The following UMODL1 variants were observed in gnomAD, a reference collection of about 807,000 sequenced individuals.
UMODL1 encodes the protein uromodulin-like 1.
In UMODL1, 128 loss-of-function variants were observed where a neutral mutation model predicts 136.3. The ratio of observed to expected loss-of-function variants is 0.94; its 90% CI spans 0.81 to 1.09. The LOEUF is 1.09. Ranked by LOEUF, UMODL1 falls within the 50% of genes least tolerant of loss-of-function variation. The pLI is 0.00. For synonymous variants in UMODL1, 721 were observed against 720.0 expected, an observed-to-expected ratio of 1.00 and a Z score of -0.02; for missense variants, 1,766 against 1,725.6, an observed-to-expected ratio of 1.02 and a Z score of -0.41.
chr21:42,137,507 G>C lies in UMODL1; in HGVS notation c.3844G>C (p.Val1282Leu). 1 of 1,614,234 alleles carries C rather than the reference G, an allele frequency of 6.2e-7. No homozygotes were observed. The highest frequency in any genetic ancestry group is 1.1e-5 in the South Asian group (1 of 91,090). Reference sequence around the variant, plus strand: ...GGTCCTTATTGTGGTGGCCATCTTCGTGCTGGTGGCGGGAACAGCCACCCT... The same window carrying C: ...GGTCCTTATTGTGGTGGCCATCTTCCTGCTGGTGGCGGGAACAGCCACCCT... Reference protein sequence around the residue: ...YVVLIVVAIFVLVAGTATLLI... With the variant: ...YVVLIVVAIFLLVAGTATLLI... The change falls in exon 22 of 23, where the codon GTG becomes CTG. Residue 1282 changes from valine (V) to leucine (L), a missense_variant. Transcript: ENST00000408910.
At chr21:42,125,977 G>A (rs1033339146) in intron 17 of UMODL1, among the ~76,000 whole-genome samples, 2 of 152,200 alleles carry the variant, frequency 1.3e-5, no homozygotes, top group African/African-American at 4.8e-5. Flanking sequence ...GCAGGGTTTG[G>A]GGCATGTTGA....
At position 42,123,479 on chromosome 21, in the gene UMODL1, G is replaced by C. The variant is rs991843360; in HGVS notation, c.3147+329G>C. On this transcript the variant is annotated intron_variant, in intron 17 of 22. Transcript: ENST00000408910. The surrounding 1 kb of genome is among the most constrained non-coding windows in gnomAD (Gnocchi z 4.4). ...AGCCAAGGAGTCCTGTGTGATATGA[G>C]AGTGTGTGTGTGTGAGTGTACGTGT... is the stretch of plus-strand genomic sequence containing the variant. 2.2e-5 allele frequency among the ~76,000 whole-genome samples: 3 copies of C among 137,580 alleles called. No homozygotes were observed. The highest frequency in any genetic ancestry group is 4.0e-3 in the Middle Eastern group (1 of 250). 90.3% of individuals were successfully genotyped at this position (137,580 alleles called of 152,430 possible).
chr21:42,133,313 A>G (rs895213523), intron 21 of UMODL1, among the ~76,000 whole-genome samples: 1 of 152,208 alleles, frequency 6.6e-6, no homozygotes, highest in Admixed American at 6.5e-5. Context: ...CCTCCGTTTC[A>G]GGGAAGAAAT....
intron 14 of UMODL1, 65 bp downstream of exon 14, chr21:42,116,050 C>A: frequency 7.2e-7 from 1 of 1,393,668 alleles, no homozygotes; most frequent in Admixed American, 1.7e-5. Context: ...TGATAGAATT[C>A]TAGGTTAGGC....
chr21:42,074,012 A>AG (rs2066260052), intron 1 of UMODL1, among the ~76,000 whole-genome samples: 1 of 152,186 alleles, frequency 6.6e-6, no homozygotes, highest in Admixed American at 6.5e-5. Context: ...GGGGAGCTGG[A>AG]GGGGACCCTT....
chr21:42,084,097 C>G lies in UMODL1; in HGVS notation c.333C>G (p.Ser111=), dbSNP rs745944361. ...ATTTTCTCCCAGCCCTGAATCAGTC[C>G]GGGCAGTTCACGTCAAGACCTGGGG... ...GLYCVLPLNQ[S]GQFTSRPGAC... is the part of the protein sequence containing the mutation. Residue 111 remains serine (S), a synonymous_variant, in exon 3 of 23, where the codon TCC becomes TCG. Transcript: ENST00000408910. 6.2e-7 allele frequency: 1 copy of G among 1,613,910 alleles called. No homozygotes were observed. Among genetic ancestry groups the G allele is most frequent in the Non-Finnish European group, 8.5e-7 (1 of 1,179,964 alleles).
intron 17 of UMODL1, among the ~76,000 whole-genome samples, chr21:42,125,372 C>T (rs1263981032): frequency 1.3e-5 from 2 of 152,060 alleles, no homozygotes; most frequent in South Asian, 2.1e-4. Context: ...GAGGGATTCA[C>T]GTGGACGCGT....
At chr21:42,103,641 G>C in intron 8 of UMODL1, 1 of 668,948 alleles carries the variant, frequency 1.5e-6, no homozygotes, top group Non-Finnish European at 2.8e-6. Context: ...TGGTCACTGT[G>C]AGTCCCCAGC....
intron 12 of UMODL1, among the ~76,000 whole-genome samples, chr21:42,112,454 GCCCAGCTGCTCTGTATCTC>G (rs1179620078): frequency 7.2e-6 from 1 of 138,590 alleles, no homozygotes; most frequent in African/African-American, 2.8e-5. Context: ...TTCTGTATCT[GCCCAGCTGCTCTGTATCTC>G]CCCAGCTGCT....
chr21:42,084,321 T>TG lies in UMODL1; in HGVS notation c.481+83dup, dbSNP rs565313570. On this transcript the variant is annotated intron_variant, in intron 3 of 22. Transcript: ENST00000408910. ...GTGAGGCCTGATCTGTGTGAAGGTG[T>TG]GGGGGGGAGTGTGTTTCTAGGAGCA... 617 of 1,484,142 alleles carry TG rather than the reference T, an allele frequency of 4.2e-4. 3 individuals are homozygous for TG. In the African/African-American group the frequency reaches 6.6e-3, roughly 16 times the overall value. 91.9% of individuals were successfully genotyped at this position (1,484,142 alleles called of 1,614,324 possible). A position where few individuals can be genotyped will look rare whatever the true frequency, so the allele number is the denominator to read the frequency against.
At chr21:42,102,389 CAT>C in intron 8 of UMODL1, 111 bp downstream of exon 8, 1 of 791,298 alleles carries the variant, frequency 1.3e-6, no homozygotes, top group Non-Finnish European at 2.0e-6. Flanking sequence ...GGCAAAAATA[CAT>C]GTTACTGCAG....
chr21:42,071,831 T>TA (rs568238961), intron 1 of UMODL1, among the ~76,000 whole-genome samples: 20 of 132,424 alleles, frequency 1.5e-4, no homozygotes, highest in Middle Eastern at 4.1e-3. Context: ...CTTACAGATT[T>TA]AAAAAAAAAA....
chr21:42,121,026 T>C, intron 15 of UMODL1, 61 bp from the exon 16 acceptor site: 1 of 1,565,264 alleles, frequency 6.4e-7, no homozygotes, highest in Non-Finnish European at 8.7e-7. Context: ...CCAACCAGGC[T>C]GCTGTGAGAC....
At chr21:42,069,359 T>G (rs959612602), upstream of UMODL1, among the ~76,000 whole-genome samples, 3 of 152,162 alleles carry the variant, frequency 2.0e-5, no homozygotes, top group Non-Finnish European at 4.4e-5. Flanking sequence ...TGGGATTTTT[T>G]TCTTTAATCA....
intron 9 of UMODL1, among the ~76,000 whole-genome samples, chr21:42,105,907 A>G (rs1238523907): frequency 1.3e-5 from 2 of 152,194 alleles, no homozygotes; most frequent in Non-Finnish European, 2.9e-5. Context: ...AATCCATTGT[A>G]AGCATTCGCA....
rs2066986887 is a variant in UMODL1, at chr21:42,122,568, T to C, written c.2828-263T>C. ...GTGCGTGTGTGTGTGTCTGCACGTG[T>C]GTGCGTGCGTGTGTGCATGTGTGTG... On this transcript the variant is annotated intron_variant, in intron 16 of 22. Transcript: ENST00000408910. This position sits in a 1 kb window ranked among gnomAD's most constrained non-coding sequence, Gnocchi z 4.3. 7.0e-6 allele frequency among the ~76,000 whole-genome samples: 1 copy of C among 142,908 alleles called. No individual in the cohort carries two copies. The allele number at this position is 142,908 out of a possible 152,430, so 93.8% of individuals were successfully genotyped here.
intron 2 of UMODL1, among the ~76,000 whole-genome samples, chr21:42,077,857 C>T (rs959046717): frequency 7.9e-5 from 12 of 152,146 alleles, no homozygotes; most frequent in South Asian, 2.1e-4. Context: ...GCGTGGACTC[C>T]GCAAACCAGG....
chr21:42,067,766 G>A (rs906574032), upstream of UMODL1, among the ~76,000 whole-genome samples: 5 of 152,320 alleles, frequency 3.3e-5, no homozygotes, highest in Middle Eastern at 3.4e-3. Context: ...ACGAGAAAGC[G>A]ACAGGCCCAT....
At chr21:42,106,825 C>G (rs986195337) in intron 9 of UMODL1, among the ~76,000 whole-genome samples, 1 of 152,236 alleles carries the variant, frequency 6.6e-6, no homozygotes, top group Non-Finnish European at 1.5e-5. Flanking sequence ...CTTCCTCTCC[C>G]TGGGCCTCAG....
Sources: allele counts gnomAD v4.1 joint callset (sites outside exome capture counted in the v4.1 genomes callset), GRCh38; gene constraint gnomAD v4.1.1; non-coding constraint Gnocchi (gnomAD v3.1); transcripts MANE v1.5; gene names NCBI Gene and HGNC (gene_info 2026-07-23, HGNC 2026-07-21).